The following RAB7A variants were observed in gnomAD, a reference collection of about 807,000 sequenced individuals.
RAB7A encodes the protein RAB7A, member RAS oncogene family, also known as ras-related protein Rab-7a.
Under a neutral mutation model 24.5 loss-of-function variants are expected in RAB7A, and 2 were observed. The observed-to-expected ratio is 0.08, with a 90% CI of 0.03 to 0.26. The LOEUF (loss-of-function observed/expected upper bound fraction) is 0.26. Among genes scored for constraint, RAB7A ranks in the 10% least tolerant of loss-of-function variants. The pLI is 1.00. For missense variants in RAB7A, 118 were observed against 255.7 expected (o/e 0.46, Z 3.67); for synonymous variants, 100 against 95.9 (o/e 1.04, Z -0.25).
At chr3:128,752,134 T>A (rs2070688633) in intron 1 of RAB7A, among the ~76,000 whole-genome samples, 1 of 151,988 alleles carries the variant, frequency 6.6e-6, no homozygotes, top group African/African-American at 2.4e-5. Context: ...CAGTGTGACC[T>A]CCTAGCTACA....
intron 1 of RAB7A, among the ~76,000 whole-genome samples, chr3:128,753,810 T>C (rs2070707854): frequency 6.6e-6 from 1 of 152,160 alleles, no homozygotes; most frequent in Non-Finnish European, 1.5e-5. Context: ...CTCTTTATTT[T>C]TTATTTTTGG....
intron 1 of RAB7A, among the ~76,000 whole-genome samples, chr3:128,751,019 G>C (rs781277189): frequency 1.3e-5 from 2 of 152,232 alleles, no homozygotes; most frequent in African/African-American, 2.4e-5. Context: ...CTGAGTCTGC[G>C]AGTGCACAGA....
At chr3:128,773,032 C>T (rs1424198720) in intron 1 of RAB7A, among the ~76,000 whole-genome samples, 2 of 152,172 alleles carry the variant, frequency 1.3e-5, no homozygotes, top group South Asian at 2.1e-4. Flanking sequence ...AAGTGAGGAG[C>T]GTCTCTGCCT....
At chr3:128,753,490 G>T (rs1272828064) in intron 1 of RAB7A, among the ~76,000 whole-genome samples, 4 of 152,124 alleles carry the variant, frequency 2.6e-5, no homozygotes, top group African/African-American at 7.2e-5. Context: ...AAAAATGAGG[G>T]TGGAATTAAA....
intron 1 of RAB7A, among the ~76,000 whole-genome samples, chr3:128,776,984 A>C (rs1051295084): frequency 1.5e-5 from 2 of 132,854 alleles, no homozygotes; most frequent in South Asian, 2.4e-4. Flanking sequence ...ACACACACAC[A>C]CACCCCTATT....
In RAB7A at chr3:128,764,678, A is replaced by T. The variant is rs899078027; in HGVS notation, c.-8-30682A>T. The T allele has an allele frequency of 4.7e-6, 4 of 845,102 alleles. No individual in the cohort carries two copies. The African/African-American group carries it at 6.6e-5, about 14-fold the overall frequency. 52.4% of individuals were successfully genotyped at this position (845,102 alleles called of 1,614,324 possible). Reference sequence around the variant, plus strand: ...GCTAGTTTGTGCAGTTCCAATAGTGACTGATTCACATTTTTTTCCAAATGT... The same window carrying T: ...GCTAGTTTGTGCAGTTCCAATAGTGTCTGATTCACATTTTTTTCCAAATGT... On this transcript the variant is annotated intron_variant, in intron 1 of 5. Transcript: ENST00000265062.
intron 1 of RAB7A, among the ~76,000 whole-genome samples, chr3:128,753,279 C>G (rs1320611264): frequency 6.6e-6 from 1 of 151,756 alleles, no homozygotes; most frequent in Non-Finnish European, 1.5e-5. Context: ...ACAAATATTG[C>G]ATGTTCTCAC....
At chr3:128,782,887 C>G (rs1000341699) in intron 1 of RAB7A, among the ~76,000 whole-genome samples, 4 of 152,254 alleles carry the variant, frequency 2.6e-5, no homozygotes, top group Middle Eastern at 3.4e-3. Flanking sequence ...GTCAGCCCAC[C>G]TTTTCTTGCT....
chr3:128,807,796 A>G (rs1425672363), intron 5 of RAB7A, 125 bp downstream of exon 5: 4 of 1,362,060 alleles, frequency 2.9e-6, no homozygotes, highest in African/African-American at 2.9e-5. Flanking sequence ...AGAATACCCT[A>G]TGTGTTCATC....
intron 1 of RAB7A, among the ~76,000 whole-genome samples, chr3:128,734,634 T>C (rs2070472537): frequency 7.5e-6 from 1 of 132,744 alleles, no homozygotes; most frequent in South Asian, 2.5e-4. Flanking sequence ...GATCTAACCA[T>C]AGTAGATGGT....
chr3:128,769,720 G>T (rs1430992504), intron 1 of RAB7A, among the ~76,000 whole-genome samples: 1 of 152,174 alleles, frequency 6.6e-6, no homozygotes, highest in Non-Finnish European at 1.5e-5. Flanking sequence ...AAAGATCTTA[G>T]TTGGCTTTTA....
intron 3 of RAB7A, among the ~76,000 whole-genome samples, chr3:128,804,267 A>G (rs1179446121): frequency 6.6e-6 from 1 of 152,232 alleles, no homozygotes; most frequent in Non-Finnish European, 1.5e-5. Flanking sequence ...GCCACTGTGC[A>G]TGCACTAGAA....
chr3:128,755,402 A>C (rs2070721074), intron 1 of RAB7A, among the ~76,000 whole-genome samples: 1 of 152,360 alleles, frequency 6.6e-6, no homozygotes, highest in Non-Finnish European at 1.5e-5. Flanking sequence ...TTCATTAAAA[A>C]AAGGATGAAG....
intron 3 of RAB7A, among the ~76,000 whole-genome samples, chr3:128,803,789 A>G (rs1576302506): frequency 6.6e-6 from 1 of 152,140 alleles, no homozygotes; most frequent in South Asian, 2.1e-4. Flanking sequence ...TCTCTTCAGG[A>G]GCATTTACTT....
chr3:128,739,403 C>G (rs1453187829), intron 1 of RAB7A, among the ~76,000 whole-genome samples: 1 of 151,826 alleles, frequency 6.6e-6, no homozygotes, highest in Non-Finnish European at 1.5e-5. Flanking sequence ...ATCCCAGCTA[C>G]TCAGGAGGGT....
chr3:128,792,785 T>C (rs991128701), intron 1 of RAB7A, among the ~76,000 whole-genome samples: 16 of 152,092 alleles, frequency 1.1e-4, no homozygotes, highest in African/African-American at 3.6e-4. Flanking sequence ...GTCTCCCGAA[T>C]AGCTGGAATT....
In RAB7A at chr3:128,777,339, G is replaced by A. The variant is rs146796251; in HGVS notation, c.-8-18021G>A. ...CTCCCAAGTAGCTGGGACTACAGGC[G>A]CATGCCACCACACTTGGCTAAGGTT... On this transcript the variant is annotated intron_variant, in intron 1 of 5. Transcript: ENST00000265062. Among the ~76,000 whole-genome samples, 88 of 152,102 alleles carry A rather than the reference G, an allele frequency of 5.8e-4. 1 individual carries two copies. Among genetic ancestry groups the A allele is most frequent in the Middle Eastern group, 6.8e-3 (2 of 292 alleles).
At chr3:128,753,064 T>A (rs1376907243) in intron 1 of RAB7A, among the ~76,000 whole-genome samples, 1 of 152,212 alleles carries the variant, frequency 6.6e-6, no homozygotes, top group Non-Finnish European at 1.5e-5. Flanking sequence ...TATCTATTAT[T>A]ATAATTTCCC....
chr3:128,756,995 C>T (rs762924448), intron 1 of RAB7A, among the ~76,000 whole-genome samples: 1 of 152,080 alleles, frequency 6.6e-6, no homozygotes, highest in African/African-American at 2.4e-5. Flanking sequence ...AGGCGCGCAC[C>T]ACCACGCCCG....
Sources: allele counts gnomAD v4.1 joint callset (sites outside exome capture counted in the v4.1 genomes callset), GRCh38; gene constraint gnomAD v4.1.1; transcripts MANE v1.5; gene names NCBI Gene and HGNC (gene_info 2026-07-23, HGNC 2026-07-21).